Variants in BABAM2 observed in about 807,000 individuals in gnomAD.
BABAM2 encodes BRISC and BRCA1-A complex member 2.
In BABAM2, 31 loss-of-function variants were observed where a neutral mutation model predicts 54.7. The ratio of observed to expected loss-of-function variants is 0.57; its 90% CI spans 0.43 to 0.77. The LOEUF is 0.77. Among genes scored for constraint, BABAM2 ranks in the 30% least tolerant of loss-of-function variants. The pLI is 0.00. For missense variants in BABAM2, 364 were observed against 455.8 expected (o/e 0.80, Z 1.83); for synonymous variants, 167 against 162.9 (o/e 1.03, Z -0.19).
intron 10 of BABAM2, among the ~76,000 whole-genome samples, chr2:28,280,067 T>C (rs1434694492): frequency 6.6e-6 from 1 of 152,066 alleles, no homozygotes; most frequent in Non-Finnish European, 1.5e-5. Context: ...AACTAATTTT[T>C]TTTTTTTTTG....
chr2:28,243,304 C>T (rs952794570), intron 9 of BABAM2, among the ~76,000 whole-genome samples: 17 of 151,954 alleles, frequency 1.1e-4, no homozygotes, highest in Admixed American at 6.6e-4. Flanking sequence ...GAGGCCGAGG[C>T]GGGCGGATCA....
At chr2:28,151,955 G>A (rs952642910) in intron 7 of BABAM2, among the ~76,000 whole-genome samples, 1 of 152,156 alleles carries the variant, frequency 6.6e-6, no homozygotes, top group African/African-American at 2.4e-5. Context: ...TTTGCATGGG[G>A]TGACAACTGG....
At chr2:28,178,186 A>C (rs916316317) in intron 7 of BABAM2, among the ~76,000 whole-genome samples, 1 of 152,190 alleles carries the variant, frequency 6.6e-6, no homozygotes, top group Non-Finnish European at 1.5e-5. Context: ...CGACAGCTGC[A>C]GAAAATACAC....
chr2:27,929,862 T>C lies in BABAM2; in HGVS notation c.159T>C (p.Cys53=). 1 of 1,613,920 alleles carries C rather than the reference T, an allele frequency of 6.2e-7. No individual in the cohort carries two copies. The highest frequency in any genetic ancestry group is 8.5e-7 in the Non-Finnish European group (1 of 1,179,806). ...CATCATTGACTCCTGGGCCCAACTG[T>C]GACCGATTTAAACTGCACATACCAT... is the stretch of plus-strand genomic sequence containing the variant. The part of the protein sequence containing the change: ...GCTSLTPGPN[C]DRFKLHIPYA... The change falls in exon 3 of 12, where the codon TGT becomes TGC. Residue 53 remains cysteine (C), a synonymous_variant. Transcript: ENST00000379624.
Position 28,026,863 on chromosome 2 carries a change from G to A in BABAM2, c.495+1443G>A, listed in dbSNP as rs13421446. Among the ~76,000 whole-genome samples, 235 of 27,978 alleles carry A rather than the reference G, an allele frequency of 8.4e-3. 1 individual carries two copies. Among genetic ancestry groups the A allele is most frequent in the African/African-American group, 0.022 (131 of 5,886 alleles). 18.4% of individuals were successfully genotyped at this position (27,978 alleles called of 152,430 possible). On this transcript the variant is annotated intron_variant, in intron 5 of 11. Transcript: ENST00000379624. ...ATATAAATATATATTTATATATATA[G>A]ATATATATATTTATATATATATAGA...
intron 8 of BABAM2, among the ~76,000 whole-genome samples, chr2:28,238,147 G>A (rs1682089700): frequency 6.6e-6 from 1 of 152,146 alleles, no homozygotes; most frequent in African/African-American, 2.4e-5. Context: ...ACCGCGCCCA[G>A]CCAGTCAGCT....
intron 11 of BABAM2, among the ~76,000 whole-genome samples, chr2:28,337,682 G>T (rs762072111): frequency 6.6e-6 from 1 of 152,234 alleles, no homozygotes; most frequent in African/African-American, 2.4e-5. Flanking sequence ...TGGAGCCCAT[G>T]AATCATTTAG....
At chr2:28,045,255 G>C (rs1040715035) in intron 5 of BABAM2, among the ~76,000 whole-genome samples, 5 of 152,130 alleles carry the variant, frequency 3.3e-5, no homozygotes, top group African/African-American at 1.2e-4. Flanking sequence ...CCCACTGCTA[G>C]GTAGAAGTTT....
intron 3 of BABAM2, among the ~76,000 whole-genome samples, chr2:27,958,877 G>A (rs1262535567): frequency 6.6e-6 from 1 of 152,122 alleles, no homozygotes; most frequent in Non-Finnish European, 1.5e-5. Flanking sequence ...GTTTTTTCCA[G>A]AGGAGTGCCT....
intron 11 of BABAM2, among the ~76,000 whole-genome samples, chr2:28,327,012 G>GCACCACCTT (rs1690522514): frequency 6.6e-6 from 1 of 152,212 alleles, no homozygotes. Flanking sequence ...GAGCTGGTGA[G>GCACCACCTT]TGTTGGACAC....
chr2:28,069,627 C>T (rs556778001), intron 6 of BABAM2, among the ~76,000 whole-genome samples: 32 of 152,168 alleles, frequency 2.1e-4, no homozygotes, highest in African/African-American at 7.5e-4. Flanking sequence ...GATTGACTGC[C>T]GAGTAAATGC....
intron 2 of BABAM2, among the ~76,000 whole-genome samples, chr2:27,918,755 G>C (rs72854440): frequency 0.054 from 8,223 of 151,908 alleles, 634 homozygotes; most frequent in African/African-American, 0.17. Flanking sequence ...GTGATGTGAT[G>C]ATGGCTCACT....
At position 28,279,779 on chromosome 2, in the gene BABAM2, C is replaced by G. The variant is rs181479125; in HGVS notation, c.935-18559C>G. Among the ~76,000 whole-genome samples the G allele has an allele frequency of 2.1e-3, 324 of 151,292 alleles. 1 individual carries two copies. Among genetic ancestry groups the G allele is most frequent in the African/African-American group, 7.6e-3 (311 of 41,116 alleles). On this transcript the variant is annotated intron_variant, in intron 10 of 11. Transcript: ENST00000379624. ...CTCCTGGATTCAAGCGATTCTCCTG[C>G]CTCAGCCTCCCGAGTAGCTGGGATT... is the stretch of plus-strand genomic sequence containing the variant.
intron 10 of BABAM2, among the ~76,000 whole-genome samples, chr2:28,267,235 C>T (rs1454179526): frequency 6.6e-6 from 1 of 152,158 alleles, no homozygotes; most frequent in African/African-American, 2.4e-5. Context: ...GTGGTATCAT[C>T]TTGAACAACT....
chr2:28,008,557 G>T (rs1674139214), intron 4 of BABAM2, among the ~76,000 whole-genome samples: 1 of 152,136 alleles, frequency 6.6e-6, no homozygotes, highest in Non-Finnish European at 1.5e-5. Flanking sequence ...ATGTCTGCAG[G>T]CTGAGGCGGT....
At chr2:28,276,707 A>G (rs1180003229) in intron 10 of BABAM2, among the ~76,000 whole-genome samples, 2 of 152,202 alleles carry the variant, frequency 1.3e-5, no homozygotes, top group African/African-American at 4.8e-5. Context: ...ATACATGTAC[A>G]TATATGTGTT....
chr2:27,993,762 G>T (rs1395983700), intron 4 of BABAM2, among the ~76,000 whole-genome samples: 1 of 152,170 alleles, frequency 6.6e-6, no homozygotes, highest in African/African-American at 2.4e-5. Context: ...ATTGGTCACT[G>T]GTTGTATGAG....
intron 11 of BABAM2, among the ~76,000 whole-genome samples, chr2:28,321,459 C>T (rs1319758283): frequency 6.6e-6 from 1 of 152,136 alleles, no homozygotes; most frequent in Non-Finnish European, 1.5e-5. Flanking sequence ...TGACCCAGGC[C>T]AAACCCAAGC....
intron 4 of BABAM2, among the ~76,000 whole-genome samples, chr2:28,022,634 C>T (rs1200839508): frequency 6.6e-6 from 1 of 151,968 alleles, no homozygotes; most frequent in Admixed American, 6.6e-5. Context: ...TGTGATGTGC[C>T]CTGTGCCTAC....
Sources: gnomAD v4.1 joint callset for allele counts (sites outside exome capture counted in the v4.1 genomes callset) on GRCh38, gnomAD v4.1.1 for gene constraint, MANE v1.5 for transcripts, NCBI Gene and HGNC (gene_info 2026-07-23, HGNC 2026-07-21) for gene names.